ADAMTS20: variants seen among roughly 807,000 people sequenced by gnomAD.
ADAMTS20 encodes the protein A disintegrin and metalloproteinase with thrombospondin motifs 20.
Under a neutral mutation model 260.1 loss-of-function variants are expected in ADAMTS20, and 225 were observed. The ratio of observed to expected loss-of-function variants is 0.87; its 90% CI spans 0.78 to 0.97. The LOEUF (loss-of-function observed/expected upper bound fraction) is 0.97. Among genes scored for constraint, ADAMTS20 ranks in the 50% least tolerant of loss-of-function variants. The pLI is 0.00. For synonymous variants in ADAMTS20, 802 were observed against 769.5 expected (o/e 1.04, Z -0.70); for missense variants, 2,400 against 2,337.7 (o/e 1.03, Z -0.55).
At chr12:43,423,008 A>T (rs1941264031) in intron 28 of ADAMTS20, 1 of 152,132 alleles carries the variant, frequency 6.6e-6, no homozygotes, top group Non-Finnish European at 1.5e-5. Flanking sequence ...AAAATGTAAA[A>T]TATCAAAGGA....
intron 3 of ADAMTS20, among the ~76,000 whole-genome samples, chr12:43,511,594 G>C (rs1942925222): frequency 1.3e-5 from 2 of 152,034 alleles, no homozygotes; most frequent in Admixed American, 1.3e-4. Flanking sequence ...ATATTGAAGA[G>C]CAAGACAAAA....
intron 35 of ADAMTS20, 58 bp from the exon 36 acceptor site, chr12:43,375,570 C>A: frequency 1.3e-6 from 2 of 1,577,446 alleles, no homozygotes; most frequent in Non-Finnish European, 1.7e-6. Context: ...ATAATGTAGA[C>A]AAACTTTGGG....
At chr12:43,408,062 G>A (rs1940952278) in intron 28 of ADAMTS20, among the ~76,000 whole-genome samples, 1 of 152,098 alleles carries the variant, frequency 6.6e-6, no homozygotes, top group African/African-American at 2.4e-5. Context: ...GTGACATGGA[G>A]AAAAATGGTA....
intron 31 of ADAMTS20, among the ~76,000 whole-genome samples, chr12:43,381,715 A>G (rs953612916): frequency 6.8e-6 from 1 of 147,026 alleles, no homozygotes; most frequent in Non-Finnish European, 1.5e-5. Flanking sequence ...TAGGAGGTCA[A>G]GACTTCAGTG....
chr12:43,371,680 TGG>T (rs1052412457), intron 36 of ADAMTS20, among the ~76,000 whole-genome samples: 2 of 152,034 alleles, frequency 1.3e-5, no homozygotes, highest in African/African-American at 4.8e-5. Context: ...GGCCTTAAGA[TGG>T]GGGCATGCCT....
intron 3 of ADAMTS20, among the ~76,000 whole-genome samples, chr12:43,513,422 AT>A (rs1942952427): frequency 6.6e-6 from 1 of 152,130 alleles, no homozygotes; most frequent in African/African-American, 2.4e-5. Context: ...GCCTTTTAAG[AT>A]TTTTTTAATG....
chr12:43,482,644 A>G (rs1942458968), intron 7 of ADAMTS20, among the ~76,000 whole-genome samples: 1 of 152,172 alleles, frequency 6.6e-6, no homozygotes, highest in African/African-American at 2.4e-5. Context: ...GAGCCAGAGC[A>G]CAGACTTGCC....
chr12:43,494,082 T>C (rs4768500), intron 4 of ADAMTS20, among the ~76,000 whole-genome samples: 52,751 of 152,062 alleles, frequency 0.35, 9,696 homozygotes, highest in East Asian at 0.75. Context: ...TGCCTCTGCC[T>C]GGTACTTAAT....
At chr12:43,523,308 C>T (rs911331505) in intron 3 of ADAMTS20, among the ~76,000 whole-genome samples, 1 of 152,212 alleles carries the variant, frequency 6.6e-6, no homozygotes. Flanking sequence ...CCGTGCAGAA[C>T]GGCGGAAGCC....
chr12:43,388,163 C>A (rs949914050), intron 29 of ADAMTS20, among the ~76,000 whole-genome samples: 3 of 152,040 alleles, frequency 2.0e-5, no homozygotes, highest in Non-Finnish European at 4.4e-5. Context: ...GGTGTAGGCA[C>A]CTGAAGGAGT....
chr12:43,399,256 C>A (rs558511496), intron 28 of ADAMTS20, 23 bp from the exon 29 acceptor site: 2 of 1,432,850 alleles, frequency 1.4e-6, no homozygotes, highest in Non-Finnish European at 1.8e-6. Context: ...TATGAATGCA[C>A]TTGATTCATT....
chr12:43,517,243 T>C (rs955878682), intron 3 of ADAMTS20, among the ~76,000 whole-genome samples: 1 of 151,842 alleles, frequency 6.6e-6, no homozygotes, highest in Non-Finnish European at 1.5e-5. Flanking sequence ...AATAAAATAT[T>C]GAAAGATTGG....
intron 22 of ADAMTS20, 137 bp downstream of exon 22, chr12:43,431,188 ATTCACAT>A (rs1303952900): frequency 1.4e-6 from 1 of 702,684 alleles, no homozygotes; most frequent in East Asian, 2.7e-5. Flanking sequence ...ACACATAAAG[ATTCACAT>A]TTCAGGGTTG....
In ADAMTS20 at chr12:43,492,428, G is replaced by A; in HGVS notation, c.1076+77C>T. 32 of 1,419,878 alleles carry A rather than the reference G, an allele frequency of 2.3e-5. No homozygotes were observed. In the East Asian group the frequency reaches 2.4e-4, roughly 11 times the overall value. The allele number at this position is 1,419,878 out of a possible 1,614,324, so 88.0% of individuals were successfully genotyped here. On this transcript the variant is annotated intron_variant, in intron 6 of 38. Transcript: ENST00000389420. ...AAAAACAAAAACAAAACAAAAAAAAGAATTAAGAAGAAGTATCAGTCATGC... is the reference window on the plus strand; with the variant it reads ...AAAAACAAAAACAAAACAAAAAAAAAAATTAAGAAGAAGTATCAGTCATGC...
At chr12:43,441,588 ATGTT>A (rs1385822204) in intron 16 of ADAMTS20, among the ~76,000 whole-genome samples, 2 of 152,142 alleles carry the variant, frequency 1.3e-5, no homozygotes, top group African/African-American at 4.8e-5. Flanking sequence ...AGTTTGAAAA[ATGTT>A]TGTAAGTGTG....
intron 7 of ADAMTS20, among the ~76,000 whole-genome samples, chr12:43,482,515 C>A (rs116238308): frequency 0.014 from 2,101 of 152,278 alleles, 51 homozygotes; most frequent in African/African-American, 0.048. Context: ...CTGCCACCTC[C>A]CAGTGTAGAT....
intron 11 of ADAMTS20, among the ~76,000 whole-genome samples, chr12:43,462,596 T>C (rs1001237672): frequency 1.3e-5 from 2 of 152,200 alleles, no homozygotes; most frequent in African/African-American, 2.4e-5. Flanking sequence ...AGGACTGTTA[T>C]ATCTGTCCTC....
intron 36 of ADAMTS20, among the ~76,000 whole-genome samples, chr12:43,373,629 T>G (rs900243183): frequency 2.0e-5 from 3 of 151,844 alleles, no homozygotes; most frequent in African/African-American, 7.3e-5. Context: ...AAGCTTGTAT[T>G]ATATGTAAAA....
At chr12:43,442,779 T>A (rs1289677157) in intron 16 of ADAMTS20, among the ~76,000 whole-genome samples, 1 of 152,240 alleles carries the variant, frequency 6.6e-6, no homozygotes, top group Admixed American at 6.5e-5. Context: ...TTGATTTTAA[T>A]AAATATTTTG....
Sources: allele counts gnomAD v4.1 joint callset (sites outside exome capture counted in the v4.1 genomes callset), GRCh38; gene constraint gnomAD v4.1.1; transcripts MANE v1.5; gene names NCBI Gene and HGNC (gene_info 2026-07-23, HGNC 2026-07-21).